Variants in HPSE2 observed in about 807,000 individuals in gnomAD.
HPSE2 encodes inactive heparanase-2.
A neutral mutation model predicts 60.5 loss-of-function variants in HPSE2; 38 were observed. That is an observed-to-expected ratio of 0.63 (90% CI 0.48 to 0.82). The LOEUF (loss-of-function observed/expected upper bound fraction) is 0.82. HPSE2 is among the 40% of genes least tolerant of loss of function. The pLI is 0.00. For missense variants in HPSE2, 713 were observed against 740.4 expected, an observed-to-expected ratio of 0.96 and a Z score of 0.43; for synonymous variants, 295 against 293.2, an observed-to-expected ratio of 1.01 and a Z score of -0.06.
the HPSE2 span, among the ~76,000 whole-genome samples, chr10:99,265,644 G>A: frequency 6.6e-6 from 1 of 152,216 alleles, no homozygotes; most frequent in Non-Finnish European, 1.5e-5. Context: ...GGACTAAATT[G>A]CAGCTCCCAC....
intron 3 of HPSE2, among the ~76,000 whole-genome samples, chr10:99,125,580 T>C (rs1326303423): frequency 6.6e-6 from 1 of 152,196 alleles, no homozygotes; most frequent in Non-Finnish European, 1.5e-5. Flanking sequence ...AAGAATTCAC[T>C]GATCCTTTGA....
intron 9 of HPSE2, among the ~76,000 whole-genome samples, chr10:98,492,455 TTG>T: frequency 6.7e-6 from 1 of 149,840 alleles, no homozygotes; most frequent in Non-Finnish European, 1.5e-5. Flanking sequence ...TGAGCCGAGA[TTG>T]CGCCACTGCA....
At chr10:99,187,286 G>A (rs1470136565) in intron 2 of HPSE2, among the ~76,000 whole-genome samples, 1 of 152,094 alleles carries the variant, frequency 6.6e-6, no homozygotes, top group Non-Finnish European at 1.5e-5. Flanking sequence ...ACAGAGAAGT[G>A]TACTTATACT....
At chr10:99,184,485 A>C (rs976495178) in intron 2 of HPSE2, among the ~76,000 whole-genome samples, 8 of 127,722 alleles carry the variant, frequency 6.3e-5, no homozygotes, top group African/African-American at 2.4e-4. Context: ...AGATCATGCC[A>C]TTGCACTCCA....
At chr10:98,795,867 T>G (rs1042275253) in intron 3 of HPSE2, among the ~76,000 whole-genome samples, 2 of 152,180 alleles carry the variant, frequency 1.3e-5, no homozygotes, top group Non-Finnish European at 2.9e-5. Flanking sequence ...CTGCACAGAA[T>G]GGTGCGGCCC....
chr10:98,593,781 C>G (rs185786411), intron 9 of HPSE2, among the ~76,000 whole-genome samples: 6 of 152,046 alleles, frequency 3.9e-5, no homozygotes, highest in Non-Finnish European at 5.9e-5. Context: ...GACAATATCT[C>G]CAGTTATATT....
At position 98,458,939 on chromosome 10, in the gene HPSE2, A is replaced by G. The variant is rs144073598; in HGVS notation, c.*635T>C. 855 of 156,982 alleles carry G rather than the reference A, an allele frequency of 5.4e-3. 7 individuals are homozygous for G. The highest frequency in any genetic ancestry group is 8.5e-3 in the Non-Finnish European group (598 of 70,656). The allele number at this position is 156,982 out of a possible 1,614,324, so 9.7% of individuals were successfully genotyped here. A position where few individuals can be genotyped will look rare whatever the true frequency, so the allele number is the denominator to read the frequency against. On this transcript the variant is annotated 3_prime_UTR_variant, in exon 12 of 12. Transcript: ENST00000370552. ...TTTTGAAGCACCCGCTTCCCAGAAGAACTGCCAGTGATGGATGCCACTGTC... is the reference window on the plus strand; with the variant it reads ...TTTTGAAGCACCCGCTTCCCAGAAGGACTGCCAGTGATGGATGCCACTGTC...
At chr10:98,627,320 C>CA (rs1225791870) in intron 7 of HPSE2, among the ~76,000 whole-genome samples, 1 of 152,016 alleles carries the variant, frequency 6.6e-6, no homozygotes, top group African/African-American at 2.4e-5. Context: ...AAAAGAAAAA[C>CA]AAAAAATTAG....
At chr10:99,020,312 TTAAA>T (rs1957234892) in intron 3 of HPSE2, among the ~76,000 whole-genome samples, 3 of 152,072 alleles carry the variant, frequency 2.0e-5, no homozygotes, top group South Asian at 2.1e-4. Context: ...ATTAAATAAA[TTAAA>T]TAACTATTCA....
the HPSE2 span, among the ~76,000 whole-genome samples, chr10:99,254,991 G>C: frequency 6.6e-6 from 1 of 152,088 alleles, no homozygotes; most frequent in Non-Finnish European, 1.5e-5. Context: ...TCCAATTATG[G>C]AGATGACCAT....
At chr10:98,707,495 C>T (rs149333543) in intron 5 of HPSE2, among the ~76,000 whole-genome samples, 2 of 152,040 alleles carry the variant, frequency 1.3e-5, no homozygotes, top group East Asian at 3.9e-4. Context: ...GAATTAAGTC[C>T]TCATATAATG....
intron 3 of HPSE2, among the ~76,000 whole-genome samples, chr10:98,930,660 T>C (rs186753157): frequency 6.9e-6 from 1 of 144,962 alleles, no homozygotes; most frequent in East Asian, 2.0e-4. Context: ...GTTTCCTAAC[T>C]TTTTAACAAT....
chr10:99,160,120 CA>C (rs5787324), intron 2 of HPSE2, among the ~76,000 whole-genome samples: 68,221 of 128,946 alleles, frequency 0.53, 17,751 homozygotes, highest in Non-Finnish European at 0.64. Context: ...TAGACTCTGA[CA>C]AAAAAAAAAA....
chr10:98,926,526 G>A (rs1484290854), intron 3 of HPSE2, among the ~76,000 whole-genome samples: 2 of 152,150 alleles, frequency 1.3e-5, no homozygotes, highest in African/African-American at 4.8e-5. Context: ...TTTTTGGGTA[G>A]TAGAAAAAGT....
chr10:99,195,157 G>T (rs963221114), intron 2 of HPSE2, among the ~76,000 whole-genome samples: 1 of 151,980 alleles, frequency 6.6e-6, no homozygotes, highest in Non-Finnish European at 1.5e-5. Context: ...TGCTAAAAAA[G>T]CATTTGATAA....
intron 9 of HPSE2, among the ~76,000 whole-genome samples, chr10:98,602,619 T>TA: frequency 6.6e-6 from 1 of 152,158 alleles, no homozygotes; most frequent in Non-Finnish European, 1.5e-5. Context: ...CATAAAGATC[T>TA]ATGGAATAAA....
At chr10:99,174,544 C>A (rs1216251166) in intron 2 of HPSE2, among the ~76,000 whole-genome samples, 1 of 152,156 alleles carries the variant, frequency 6.6e-6, no homozygotes, top group African/African-American at 2.4e-5. Context: ...TGAGATCAGC[C>A]ACTTCAAATC....
chr10:99,168,810 G>A (rs1303072982), intron 2 of HPSE2, among the ~76,000 whole-genome samples: 1 of 152,158 alleles, frequency 6.6e-6, no homozygotes, highest in African/African-American at 2.4e-5. Context: ...TGATTTTAAA[G>A]GGAATGCTGT....
intron 3 of HPSE2, among the ~76,000 whole-genome samples, chr10:99,014,986 C>A (rs1424564883): frequency 6.6e-6 from 1 of 152,076 alleles, no homozygotes; most frequent in African/African-American, 2.4e-5. Context: ...AAAAAAACAA[C>A]CCCATCAAAA....
Sources: allele counts gnomAD v4.1 joint callset (sites outside exome capture counted in the v4.1 genomes callset), GRCh38; gene constraint gnomAD v4.1.1; transcripts MANE v1.5; gene names NCBI Gene and HGNC (gene_info 2026-07-23, HGNC 2026-07-21).